Variants in OSBPL9 observed in about 807,000 individuals in gnomAD.
OSBPL9 encodes the protein oxysterol binding protein like 9.
Under a neutral mutation model 106.6 loss-of-function variants are expected in OSBPL9, and 40 were observed. That is an observed-to-expected ratio of 0.38 (90% CI 0.29 to 0.49). The LOEUF is 0.49. Among genes scored for constraint, OSBPL9 ranks in the 20% least tolerant of loss-of-function variants. The probability of loss-of-function intolerance (pLI) is 0.97; values close to 1 mark genes in which losing one functional copy is unlikely to be tolerated. For missense variants in OSBPL9, 609 were observed against 887.2 expected (o/e 0.69, Z 3.98); for synonymous variants, 269 against 295.4 (o/e 0.91, Z 0.92).
At chr1:51,586,591 T>C (rs750838851) in intron 1 of OSBPL9, among the ~76,000 whole-genome samples, 2 of 152,200 alleles carry the variant, frequency 1.3e-5, no homozygotes, top group Non-Finnish European at 2.9e-5. Flanking sequence ...AGGAAGGGAA[T>C]TACCTAGGAA....
chr1:51,748,046 C>G (rs111521646), intron 6 of OSBPL9, among the ~76,000 whole-genome samples: 4,869 of 152,270 alleles, frequency 0.032, 154 homozygotes, highest in Middle Eastern at 0.088. Flanking sequence ...ACCTCGGCCT[C>G]CCAAAGTGCT....
At chr1:51,625,597 C>G (rs542749814) in intron 1 of OSBPL9, among the ~76,000 whole-genome samples, 1 of 151,596 alleles carries the variant, frequency 6.6e-6, no homozygotes, top group Non-Finnish European at 1.5e-5. Flanking sequence ...TTTGGCTCAC[C>G]GCAACGTCCA....
At chr1:51,658,152 A>G (rs527801622) in intron 2 of OSBPL9, among the ~76,000 whole-genome samples, 1 of 151,992 alleles carries the variant, frequency 6.6e-6, no homozygotes, top group East Asian at 1.9e-4. Context: ...AAAAACAAAT[A>G]CAGGGCATGT....
rs1452646876 is a variant in OSBPL9, at chr1:51,783,964, T to G, written c.1563T>G (p.Ala521=). The G allele has an allele frequency of 6.8e-5, 109 of 1,613,942 alleles. No individual in the cohort carries two copies. The highest frequency in any genetic ancestry group is 9.0e-5 in the Non-Finnish European group (106 of 1,179,934). ...TTAACAAGAAGATACAATTCAATGC[T>G]CATATCTGGACCAAATCAAAATTCC... ...ECFNKKIQFN[A]HIWTKSKFLG... is the part of the protein sequence containing the mutation. The change falls in exon 18 of 24, where the codon GCT becomes GCG. Residue 521 remains alanine, a synonymous_variant. Coordinates refer to ENST00000428468, the MANE Select transcript of OSBPL9 (RefSeq NM_024586.6).
the OSBPL9 span, among the ~76,000 whole-genome samples, chr1:51,554,898 A>G: frequency 4.1e-4 from 63 of 152,214 alleles, no homozygotes; most frequent in African/African-American, 1.4e-3. Context: ...CCCTTGCTAA[A>G]TGCATATTCC....
At chr1:51,715,047 A>G (rs1660779906) in intron 4 of OSBPL9, among the ~76,000 whole-genome samples, 1 of 152,124 alleles carries the variant, frequency 6.6e-6, no homozygotes, top group African/African-American at 2.4e-5. Context: ...TACATAGGGG[A>G]TTTTGTTTTA....
Position 51,651,518 on chromosome 1 carries a change from G to A in OSBPL9, c.112-473G>A, listed in dbSNP as rs141410852. Among the ~76,000 whole-genome samples the A allele has an allele frequency of 2.4e-3, 359 of 152,104 alleles. 1 individual carries two copies. Among genetic ancestry groups the A allele is most frequent in the African/African-American group, 8.2e-3 (342 of 41,484 alleles). On this transcript the variant is annotated intron_variant, in intron 1 of 23. Coordinates refer to ENST00000428468, the MANE Select transcript of OSBPL9 (RefSeq NM_024586.6). ...CTCTGGAGGCTGAGGCAGGAGAATCGCTTGAACCCAGGAGGCGGAGGTTGC... is the reference window on the plus strand; with the variant it reads ...CTCTGGAGGCTGAGGCAGGAGAATCACTTGAACCCAGGAGGCGGAGGTTGC...
chr1:51,761,949 G>C lies in OSBPL9; in HGVS notation c.756G>C (p.Gln252His), dbSNP rs1435333770. The C allele has an allele frequency of 6.2e-7, 1 of 1,608,580 alleles. No homozygotes were observed. ...GPVLATLGHHQTPTPNSTGSG... is the reference protein window; with the variant it reads ...GPVLATLGHHHTPTPNSTGSG... ...TGTTGGCTACCTTGGGACATCATCA[G>C]ACTCCTACACCAAATAGTACAGGTA... The change falls in exon 11 of 24, where the codon CAG (glutamine) becomes CAC (histidine). Residue 252 changes from glutamine to histidine, a missense_variant. This residue lies in a region of OSBPL9 where 356 missense variants were observed against 505.8 expected (regional missense o/e 0.70). Transcript: ENST00000428468.
chr1:51,761,652 G>T (rs901465514), intron 10 of OSBPL9, among the ~76,000 whole-genome samples: 10 of 152,020 alleles, frequency 6.6e-5, no homozygotes, highest in Non-Finnish European at 1.3e-4. Flanking sequence ...CTGGTTTTTT[G>T]ATATCCTGCC....
chr1:51,657,932 T>TACAA (rs781359527), intron 2 of OSBPL9, among the ~76,000 whole-genome samples: 6 of 151,796 alleles, frequency 4.0e-5, no homozygotes, highest in Non-Finnish European at 8.8e-5. Context: ...ACCTCTTCTC[T>TACAA]ACAAACAAAC....
chr1:51,763,703 C>G (rs950989380), intron 11 of OSBPL9, among the ~76,000 whole-genome samples: 2 of 152,180 alleles, frequency 1.3e-5, no homozygotes, highest in Non-Finnish European at 2.9e-5. Flanking sequence ...AAATAGCTCT[C>G]TTACTTGAAG....
intron 1 of OSBPL9, among the ~76,000 whole-genome samples, chr1:51,642,132 C>T (rs2148677206): frequency 6.6e-6 from 1 of 152,082 alleles, no homozygotes; most frequent in African/African-American, 2.4e-5. Flanking sequence ...CCAACATAAT[C>T]AGAATAAGAA....
chr1:51,728,630 A>G (rs1166702046), intron 4 of OSBPL9, among the ~76,000 whole-genome samples: 1 of 152,196 alleles, frequency 6.6e-6, no homozygotes, highest in Non-Finnish European at 1.5e-5. Flanking sequence ...GAAGTGATTT[A>G]CATACAACAA....
chr1:51,539,678 T>C, the OSBPL9 span, among the ~76,000 whole-genome samples: 2 of 152,198 alleles, frequency 1.3e-5, no homozygotes, highest in Non-Finnish European at 2.9e-5. Flanking sequence ...ATAAGGAAAC[T>C]AGGGCAGAGA....
At chr1:51,705,474 C>T (rs1189880621) in intron 3 of OSBPL9, among the ~76,000 whole-genome samples, 8 of 119,416 alleles carry the variant, frequency 6.7e-5, no homozygotes, top group Non-Finnish European at 1.1e-4. Context: ...AGTGCAATGG[C>T]GTGATCTCAG....
At chr1:51,666,180 AG>A (rs1648470749) in intron 2 of OSBPL9, among the ~76,000 whole-genome samples, 1 of 152,180 alleles carries the variant, frequency 6.6e-6, no homozygotes, top group Non-Finnish European at 1.5e-5. Flanking sequence ...AAACTAAAGT[AG>A]TAATGTGGTC....
chr1:51,562,896 A>G, the OSBPL9 span, among the ~76,000 whole-genome samples: 157 of 152,290 alleles, frequency 1.0e-3, 1 homozygote, highest in African/African-American at 3.7e-3. Flanking sequence ...ACATGAGGTC[A>G]GGAGTTAGCT....
chr1:51,753,964 A>AATTT (rs1669804109), intron 8 of OSBPL9, among the ~76,000 whole-genome samples: 23 of 152,186 alleles, frequency 1.5e-4, no homozygotes, highest in Non-Finnish European at 2.9e-5. Flanking sequence ...AAGTTTTGAG[A>AATTT]CCACCTGGTT....
intron 3 of OSBPL9, among the ~76,000 whole-genome samples, chr1:51,705,666 C>T (rs1010280349): frequency 1.3e-4 from 20 of 151,978 alleles, no homozygotes; most frequent in Non-Finnish European, 2.5e-4. Flanking sequence ...CCGCTGGCCT[C>T]AGCCTCCCAA....
Sources: gnomAD v4.1 joint callset for allele counts (sites outside exome capture counted in the v4.1 genomes callset) on GRCh38, gnomAD v4.1.1 for gene constraint, gnomAD v4.1.1 regional missense constraint, MANE v1.5 for transcripts, NCBI Gene and HGNC (gene_info 2026-07-23, HGNC 2026-07-21) for gene names.